The following PSME3 variants were observed in gnomAD, a reference collection of about 807,000 sequenced individuals.
PSME3 encodes proteasome activator subunit 3, also known as proteasome activator complex subunit 3.
A neutral mutation model predicts 38.3 loss-of-function variants in PSME3; 7 were observed. The ratio of observed to expected loss-of-function variants is 0.18; its 90% CI spans 0.10 to 0.34. PSME3 has a LOEUF of 0.34. PSME3 is among the 10% of genes least tolerant of loss of function. PSME3 has a pLI of 1.00. For missense variants in PSME3, 192 were observed against 307.6 expected, an observed-to-expected ratio of 0.62 and a Z score of 2.81; for synonymous variants, 108 against 105.7, an observed-to-expected ratio of 1.02 and a Z score of -0.13.
At chr17:42,834,935 C>G (rs879224617) in intron 4 of PSME3, 59 bp downstream of exon 4, 2 of 1,602,272 alleles carry the variant, frequency 1.2e-6, no homozygotes, top group African/African-American at 2.7e-5. Context: ...TCCTCTGTTT[C>G]CTTGTCAGTT....
At chr17:42,839,480 G>T (rs2055504963) in intron 10 of PSME3, 100 bp downstream of exon 10, 1 of 1,010,904 alleles carries the variant, frequency 9.9e-7, no homozygotes, top group African/African-American at 1.6e-5. Flanking sequence ...AGGGTCTGAG[G>T]TAAAATGAAT....
intron 10 of PSME3, among the ~76,000 whole-genome samples, chr17:42,841,178 G>A (rs1056732832): frequency 6.7e-6 from 1 of 148,502 alleles, no homozygotes; most frequent in Non-Finnish European, 1.5e-5. Context: ...ACTTAATGTT[G>A]TCCATAGGTT....
chr17:42,841,050 A>G (rs1422737813), intron 10 of PSME3, among the ~76,000 whole-genome samples: 1 of 150,480 alleles, frequency 6.6e-6, no homozygotes, highest in Non-Finnish European at 1.5e-5. Context: ...GGAGAATGGC[A>G]TGAACCTGGG....
intron 4 of PSME3, 53 bp downstream of exon 4, chr17:42,834,929 C>CT (rs1458739986): frequency 8.1e-6 from 13 of 1,605,696 alleles, no homozygotes; most frequent in Non-Finnish European, 9.4e-6. Flanking sequence ...CCTCTGTCCT[C>CT]TGTTTCCTTG....
rs1330382105 is a variant in PSME3, at chr17:42,842,733, A to T, written c.*1155A>T. The T allele has an allele frequency of 6.5e-6, 1 of 152,828 alleles. No homozygotes were observed. Among genetic ancestry groups the T allele is most frequent in the African/African-American group, 2.4e-5 (1 of 41,462 alleles). The allele number at this position is 152,828 out of a possible 1,614,324, so 9.5% of individuals were successfully genotyped here. A position where few individuals can be genotyped will look rare whatever the true frequency, so the allele number is the denominator to read the frequency against. ...GTGCTGGGCAAGTCAAAACTATAGA[A>T]GAGTTGCCTCCTGTCTCTCGAATCT... On this transcript the variant is annotated 3_prime_UTR_variant, in exon 11 of 11. Coordinates refer to ENST00000590720, the MANE Select transcript of PSME3 (RefSeq NM_005789.4).
At chr17:42,838,875 CT>C (rs2055496233) in intron 7 of PSME3, 69 bp from the exon 8 acceptor site, 3 of 1,597,788 alleles carry the variant, frequency 1.9e-6, no homozygotes, top group African/African-American at 2.7e-5. Context: ...CCTTTTTTTC[CT>C]TTTTCTTTGG....
intron 3 of PSME3, 29 bp from the exon 4 acceptor site, chr17:42,834,743 A>C (rs1393677492): frequency 6.2e-7 from 1 of 1,613,060 alleles, no homozygotes; most frequent in Non-Finnish European, 8.5e-7. Flanking sequence ...GCTTGAAAAG[A>C]TTAATGTTTT....
At chr17:42,836,532 C>T (rs2055466264) in intron 4 of PSME3, among the ~76,000 whole-genome samples, 1 of 152,122 alleles carries the variant, frequency 6.6e-6, no homozygotes, top group South Asian at 2.1e-4. Context: ...CCAACTAGAG[C>T]GTAATTTGCT....
chr17:42,840,823 C>G (rs550714742), intron 10 of PSME3, among the ~76,000 whole-genome samples: 1 of 152,194 alleles, frequency 6.6e-6, no homozygotes, highest in East Asian at 1.9e-4. Context: ...TGAATGCAGG[C>G]TCAAGTGAGA....
At chr17:42,839,443 G>T in intron 10 of PSME3, 63 bp downstream of exon 10, 1 of 1,360,406 alleles carries the variant, frequency 7.4e-7, no homozygotes, top group Non-Finnish European at 1.0e-6. Flanking sequence ...TGAGAGTATT[G>T]TTAAAATTCT....
chr17:42,839,083 C>A, intron 8 of PSME3, 29 bp from the exon 9 acceptor site: 1 of 1,589,644 alleles, frequency 6.3e-7, no homozygotes, highest in Non-Finnish European at 8.6e-7. Flanking sequence ...GGGTCTCCTG[C>A]ATCTTCCTCC....
intron 6 of PSME3, 79 bp from the exon 7 acceptor site, chr17:42,838,652 C>A: frequency 7.4e-7 from 1 of 1,347,636 alleles, no homozygotes; most frequent in South Asian, 1.2e-5. Context: ...TTCCTGGCAT[C>A]TGGCTCCAGC....
At chr17:42,839,213 AAG>A in intron 9 of PSME3, 47 bp downstream of exon 9, 1 of 1,561,448 alleles carries the variant, frequency 6.4e-7, no homozygotes, top group Non-Finnish European at 8.8e-7. Context: ...CAGGATAGTG[AAG>A]AGTGACTGTT....
intron 4 of PSME3, among the ~76,000 whole-genome samples, chr17:42,837,412 T>G (rs2055476092): frequency 6.6e-6 from 1 of 151,806 alleles, no homozygotes; most frequent in Admixed American, 6.6e-5. Context: ...CTCAAACTTC[T>G]GATCTCAGGT....
chr17:42,836,000 CTT>C (rs1210980760), intron 4 of PSME3, among the ~76,000 whole-genome samples: 14 of 128,498 alleles, frequency 1.1e-4, no homozygotes, highest in Admixed American at 4.8e-4. Flanking sequence ...CAGGAACTAT[CTT>C]TTTTTTTTTT....
chr17:42,837,099 T>A (rs1251708516), intron 4 of PSME3, among the ~76,000 whole-genome samples: 1 of 152,152 alleles, frequency 6.6e-6, no homozygotes, highest in Non-Finnish European at 1.5e-5. Flanking sequence ...TTGCCCAGGC[T>A]GGAGTGCAGT....
chr17:42,840,603 C>T (rs575503720), intron 10 of PSME3, among the ~76,000 whole-genome samples: 7 of 151,930 alleles, frequency 4.6e-5, no homozygotes, highest in South Asian at 2.1e-4. Flanking sequence ...AGCAAAACTC[C>T]GTCTCAAAAA....
At chr17:42,833,835 A>G (rs1306237758) in intron 1 of PSME3, 162 bp downstream of exon 1, 1 of 1,534,542 alleles carries the variant, frequency 6.5e-7, no homozygotes. Context: ...TTCGCGGGAG[A>G]GGAAAATATA....
intron 6 of PSME3, 76 bp from the exon 7 acceptor site, chr17:42,838,655 G>A: frequency 1.5e-6 from 2 of 1,368,998 alleles, no homozygotes; most frequent in Non-Finnish European, 2.1e-6. Flanking sequence ...CTGGCATCTG[G>A]CTCCAGCCGT....
Sources: allele counts gnomAD v4.1 joint callset (sites outside exome capture counted in the v4.1 genomes callset), GRCh38; gene constraint gnomAD v4.1.1; transcripts MANE v1.5; gene names NCBI Gene and HGNC (gene_info 2026-07-23, HGNC 2026-07-21).